The following CLGN variants were observed in gnomAD, a reference collection of about 807,000 sequenced individuals.
CLGN encodes calmegin.
CLGN carries 62 observed loss-of-function variants against 79.1 expected under a neutral mutation model. The observed-to-expected ratio is 0.78, with a 90% confidence interval of 0.64 to 0.97. The LOEUF (loss-of-function observed/expected upper bound fraction) is 0.97. Ranked by LOEUF, CLGN falls within the 50% of genes least tolerant of loss-of-function variation. CLGN has a pLI of 0.00. For synonymous variants in CLGN, 225 were observed against 224.7 expected (o/e 1.00, Z -0.01); for missense variants, 647 against 715.5 (o/e 0.90, Z 1.09).
chr4:140,400,641 A>G, intron 6 of CLGN, 92 bp from the exon 7 acceptor site: 1 of 723,414 alleles, frequency 1.4e-6, no homozygotes. Flanking sequence ...GTTTACAAAA[A>G]TATATTAAAT....
intron 1 of CLGN, among the ~76,000 whole-genome samples, chr4:140,414,059 C>G (rs1472280715): frequency 1.3e-5 from 2 of 152,222 alleles, no homozygotes; most frequent in Non-Finnish European, 2.9e-5. Flanking sequence ...CCTGAGCAGC[C>G]TAACTGGGAG....
At chr4:140,405,195 T>TA (rs1729080539) in intron 5 of CLGN, among the ~76,000 whole-genome samples, 1 of 147,614 alleles carries the variant, frequency 6.8e-6, no homozygotes, top group Admixed American at 6.7e-5. Context: ...TTTTTTATTT[T>TA]TTTTTTTGAG....
chr4:140,398,851 C>T lies in CLGN; in HGVS notation c.884G>A (p.Trp295Ter), dbSNP rs1177966768. 2 of 1,613,118 alleles carry T rather than the reference C, an allele frequency of 1.2e-6. No homozygotes were observed. Among genetic ancestry groups the T allele is most frequent in the East Asian group, 2.2e-5 (1 of 44,812 alleles). Residue 295 changes from tryptophan to a stop codon, truncating the protein, a stop_gained and splice_region_variant, in exon 8 of 15, where the codon TGG becomes TAG. Transcript: ENST00000325617. LOFTEE classifies it high-confidence loss of function. ...CTTTGCTACCGAATTATTTGCTTACCAGTCTTCTGGTTTGACGGCAGAAGG... is the reference window on the plus strand; with the variant it reads ...CTTTGCTACCGAATTATTTGCTTACTAGTCTTCTGGTTTGACGGCAGAAGG... ...PDPSAVKPED[W>*]DESEPAQIED...
chr4:140,392,627 T>G lies in CLGN; in HGVS notation c.1450A>C (p.Ile484Leu). ...LIYLVTAGVP[I>L]ALITSFCWPR... ...CAACAAAATGAAGTAATTAATGCTA[T>G]TGGCACTCCTGCTGTCACAAGATAA... The change falls in exon 12 of 15, where the codon ATA (isoleucine) becomes CTA (leucine). Residue 484 changes from isoleucine (I) to leucine (L), a missense_variant. Ile to Leu is a conservative substitution (Grantham distance 5). Transcript: ENST00000325617. The G allele has an allele frequency of 6.2e-7, 1 of 1,610,146 alleles. No individual in the cohort carries two copies. Among genetic ancestry groups the G allele is most frequent in the South Asian group, 1.1e-5 (1 of 90,066 alleles).
At chr4:140,417,613 A>T (rs1347741960) in intron 1 of CLGN, among the ~76,000 whole-genome samples, 3 of 150,196 alleles carry the variant, frequency 2.0e-5, no homozygotes, top group Non-Finnish European at 3.0e-5. Flanking sequence ...TGCTTCAAAG[A>T]GAATAAAATA....
intron 1 of CLGN, among the ~76,000 whole-genome samples, chr4:140,422,662 G>GTGAGTGGCAC (rs1468383444): frequency 1.3e-5 from 2 of 152,108 alleles, no homozygotes; most frequent in Non-Finnish European, 2.9e-5. Context: ...TGTTACCCAG[G>GTGAGTGGCAC]CTGGAGTGCA....
intron 1 of CLGN, among the ~76,000 whole-genome samples, chr4:140,427,095 C>T (rs1002323265): frequency 1.7e-5 from 2 of 119,190 alleles, no homozygotes; most frequent in Non-Finnish European, 3.6e-5. Context: ...CGGGCCCCCT[C>T]TACAACCATT....
chr4:140,395,033 C>A (rs1458207818), intron 10 of CLGN, among the ~76,000 whole-genome samples: 2 of 152,054 alleles, frequency 1.3e-5, no homozygotes, highest in African/African-American at 4.8e-5. Context: ...AAAAGTTAGC[C>A]GGGCGTGCTG....
intron 1 of CLGN, among the ~76,000 whole-genome samples, chr4:140,425,214 G>A (rs925952615): frequency 5.9e-5 from 9 of 152,128 alleles, no homozygotes; most frequent in Admixed American, 4.6e-4. Flanking sequence ...TAGAAGACCT[G>A]TATGCCATTG....
chr4:140,393,429 T>C (rs1221253540), intron 11 of CLGN, among the ~76,000 whole-genome samples: 1 of 152,146 alleles, frequency 6.6e-6, no homozygotes, highest in East Asian at 1.9e-4. Context: ...TTTAATAATG[T>C]TAAACTATAA....
At position 140,395,952 on chromosome 4, in the gene CLGN, C is replaced by T; in HGVS notation, c.1016G>A (p.Gly339Glu). 1.3e-6 allele frequency: 2 copies of T among 1,598,754 alleles called. No individual in the cohort carries two copies. The highest frequency in any genetic ancestry group is 4.5e-5 in the East Asian group (2 of 44,834). ...KPDDWNEDTD[G>E]EWEAPQILNP... ...AAGAATCTGAGGTGCCTCCCATTCT[C>T]CATCCGTGTCTTCATTCCTTAGGAT... The change falls in exon 10 of 15, where the codon GGA becomes GAA. Residue 339 changes from glycine to glutamate, a missense_variant. Gly to Glu is a moderately conservative substitution (Grantham distance 98, BLOSUM62 -2). Transcript: ENST00000325617.
At chr4:140,397,029 G>T (rs1454642762) in intron 8 of CLGN, among the ~76,000 whole-genome samples, 2 of 150,158 alleles carry the variant, frequency 1.3e-5, no homozygotes, top group Non-Finnish European at 3.0e-5. Context: ...AGGACATTTA[G>T]TGTTTCCAAA....
chr4:140,404,108 G>C (rs1027610524), intron 5 of CLGN, among the ~76,000 whole-genome samples: 2 of 149,660 alleles, frequency 1.3e-5, no homozygotes, highest in Admixed American at 6.6e-5. Context: ...TTTTTTTTGA[G>C]ACAGTCTCAC....
At chr4:140,393,592 TG>T (rs1728815833) in intron 11 of CLGN, among the ~76,000 whole-genome samples, 1 of 152,136 alleles carries the variant, frequency 6.6e-6, no homozygotes, top group African/African-American at 2.4e-5. Context: ...CCATTAGTGA[TG>T]TTATAATTTA....
chr4:140,403,832 C>T (rs981175129), intron 5 of CLGN, among the ~76,000 whole-genome samples: 1 of 152,178 alleles, frequency 6.6e-6, no homozygotes, highest in Non-Finnish European at 1.5e-5. Flanking sequence ...TATCATACAG[C>T]TTGACTACTG....
At chr4:140,407,462 A>C (rs1441965195) in intron 4 of CLGN, among the ~76,000 whole-genome samples, 1 of 152,130 alleles carries the variant, frequency 6.6e-6, no homozygotes, top group Admixed American at 6.6e-5. Flanking sequence ...CTAGACTTGA[A>C]AAATCAATTC....
At chr4:140,406,530 T>C (rs1279063398) in intron 4 of CLGN, among the ~76,000 whole-genome samples, 1 of 152,228 alleles carries the variant, frequency 6.6e-6, no homozygotes, top group East Asian at 1.9e-4. Context: ...TCAGCTACTT[T>C]TCTTACTTGC....
At position 140,388,946 on chromosome 4, in the gene CLGN, A is replaced by G. The variant is rs572866644; in HGVS notation, c.*278T>C. On this transcript the variant is annotated 3_prime_UTR_variant, in exon 15 of 15. Transcript: ENST00000325617. ...ATTATTTTGTTCTGTACAAACCAAA[A>G]CTATCTCCAAACAACTAAAACTGTG... The G allele has an allele frequency of 5.7e-6, 2 of 353,848 alleles. No homozygotes were observed. The highest frequency in any genetic ancestry group is 9.8e-5 in the East Asian group (2 of 20,342). 21.9% of individuals were successfully genotyped at this position (353,848 alleles called of 1,614,324 possible). A position where few individuals can be genotyped will look rare whatever the true frequency, so the allele number is the denominator to read the frequency against.
In CLGN at chr4:140,401,382, T is replaced by C. The variant is rs181255511; in HGVS notation, c.501+603A>G. On this transcript the variant is annotated intron_variant, in intron 6 of 14. Transcript: ENST00000325617. ...GAAAAAGTCTCCCATCTACATTTCA[T>C]AGCTTATGTACAGCTAAGTGTTCTG... Among the ~76,000 whole-genome samples the C allele has an allele frequency of 2.1e-3, 318 of 152,280 alleles. 3 individuals carry two copies. Among genetic ancestry groups the C allele is most frequent in the Non-Finnish European group, 1.4e-3 (92 of 68,004 alleles).
Sources: gnomAD v4.1 joint callset for allele counts (sites outside exome capture counted in the v4.1 genomes callset) on GRCh38, gnomAD v4.1.1 for gene constraint, MANE v1.5 for transcripts, NCBI Gene and HGNC (gene_info 2026-07-23, HGNC 2026-07-21) for gene names.